ITPRID1: variants seen among roughly 807,000 people sequenced by gnomAD.
ITPRID1 encodes the protein protein ITPRID1.
In ITPRID1, 96 loss-of-function variants were observed where a neutral mutation model predicts 95.4. The ratio of observed to expected loss-of-function variants is 1.01; its 90% CI spans 0.85 to 1.19. ITPRID1 has a LOEUF of 1.19. Ranked by LOEUF, ITPRID1 falls within the 50% of genes most tolerant of loss-of-function variation. The probability of loss-of-function intolerance (pLI) is 0.00; values close to 1 mark genes in which losing one functional copy is unlikely to be tolerated. For synonymous variants in ITPRID1, 510 were observed against 453.6 expected (o/e 1.12, Z -1.58); for missense variants, 1,339 against 1,252.9 (o/e 1.07, Z -1.04).
intron 1 of ITPRID1, among the ~76,000 whole-genome samples, chr7:31,532,210 T>C (rs902344146): frequency 9.2e-5 from 14 of 152,216 alleles, no homozygotes; most frequent in African/African-American, 3.1e-4. Context: ...TTAAAGTTTA[T>C]AGTAACAGTT....
chr7:31,651,963 G>T lies in ITPRID1; in HGVS notation c.2736G>T (p.Thr912=), dbSNP rs532365607. The change falls in exon 14 of 15, where the codon ACG becomes ACT. Residue 912 remains threonine (T), a synonymous_variant. Transcript: ENST00000615280. The part of the protein sequence containing the change: ...EEREEAEQLQ[T]LREALRQQVA... The stretch of plus-strand genomic sequence containing the variant: ...GGGAGGAGGCCGAGCAACTGCAAAC[G>T]TTACGTGAGGCCCTGAGGCAGCAGG... 2.5e-6 allele frequency: 4 copies of T among 1,601,592 alleles called. No homozygotes were observed. The highest frequency in any genetic ancestry group is 2.7e-5 in the African/African-American group (2 of 74,714).
chr7:31,568,103 G>A (rs1340843480), intron 5 of ITPRID1, among the ~76,000 whole-genome samples: 4 of 147,972 alleles, frequency 2.7e-5, no homozygotes, highest in East Asian at 2.0e-4. Flanking sequence ...TCCAGGCTGG[G>A]TGACAGAGCG....
chr7:31,543,109 C>T (rs1783983958), intron 1 of ITPRID1, among the ~76,000 whole-genome samples: 1 of 151,920 alleles, frequency 6.6e-6, no homozygotes, highest in Admixed American at 6.6e-5. Flanking sequence ...TTGGGTGAGG[C>T]CTTTTAAGAA....
intron 10 of ITPRID1, among the ~76,000 whole-genome samples, chr7:31,594,490 G>GT (rs1348386251): frequency 6.6e-6 from 1 of 152,182 alleles, no homozygotes; most frequent in Non-Finnish European, 1.5e-5. Flanking sequence ...TTGTTACCAT[G>GT]TGCATATGTT....
rs1335454160 is a variant in ITPRID1, at chr7:31,652,027, C to A, written c.2800C>A (p.Gln934Lys). The A allele has an allele frequency of 6.2e-7, 1 of 1,601,408 alleles. No homozygotes were observed. The highest frequency in any genetic ancestry group is 8.5e-7 in the Non-Finnish European group (1 of 1,174,052). The change falls in exon 14 of 15, where the codon CAA (glutamine) becomes AAA (lysine). Residue 934 changes from glutamine to lysine, a missense_variant. By Grantham distance (53) the Gln-to-Lys change is moderately conservative. Transcript: ENST00000615280. ...ATTTCAGTTAGGAGACCGGGCTCAG[C>A]AAATCAGAGAAGGGATTTTACTGGT... ...LEFQLGDRAQ[Q>K]IREGILLQLE...
chr7:31,586,959 T>C (rs959842136), intron 10 of ITPRID1, among the ~76,000 whole-genome samples: 1 of 152,050 alleles, frequency 6.6e-6, no homozygotes, highest in Non-Finnish European at 1.5e-5. Context: ...TCTTCTAGGG[T>C]TTTTATGGTT....
Position 31,594,162 on chromosome 7 carries a change from A to ACAGTT in ITPRID1, c.1228+10971_1228+10972insCAGTT, listed in dbSNP as rs1190471608. Among the ~76,000 whole-genome samples the ACAGTT allele has an allele frequency of 3.9e-5, 6 of 152,320 alleles. No individual in the cohort carries two copies. The East Asian group carries it at 1.2e-3, about 29-fold the overall frequency. On this transcript the variant is annotated intron_variant, in intron 10 of 14. Transcript: ENST00000615280. ...AGTTGCCTACAGTATTCAGTACAAT[A>ACAGTT]GCATACTGTACAGGTTTGCAGCCTG...
At chr7:31,630,400 A>C (rs931369944) in intron 10 of ITPRID1, among the ~76,000 whole-genome samples, 2 of 152,158 alleles carry the variant, frequency 1.3e-5, no homozygotes, top group African/African-American at 4.8e-5. Context: ...AATCAGGCCT[A>C]CTTAAATGTG....
At chr7:31,623,220 T>C (rs1465057108) in intron 10 of ITPRID1, among the ~76,000 whole-genome samples, 3 of 151,970 alleles carry the variant, frequency 2.0e-5, no homozygotes, top group African/African-American at 4.8e-5. Context: ...TTCCAATCAA[T>C]AGAAAAAGAG....
At chr7:31,644,988 T>A (rs1410317300) in intron 12 of ITPRID1, among the ~76,000 whole-genome samples, 2 of 152,232 alleles carry the variant, frequency 1.3e-5, no homozygotes, top group Non-Finnish European at 2.9e-5. Context: ...CATTTAACCT[T>A]CATTTTAATC....
chr7:31,554,415 G>A, intron 3 of ITPRID1, 60 bp from the exon 4 acceptor site: 1 of 1,583,220 alleles, frequency 6.3e-7, no homozygotes, highest in Non-Finnish European at 8.6e-7. Context: ...GAGTAAACAG[G>A]GTAGCATCCT....
chr7:31,585,844 T>A (rs868289567), intron 10 of ITPRID1, among the ~76,000 whole-genome samples: 34 of 152,100 alleles, frequency 2.2e-4, no homozygotes, highest in African/African-American at 6.5e-4. Flanking sequence ...CTTTTTTTTT[T>A]ATTATTATTA....
chr7:31,531,981 C>T (rs896318650), intron 1 of ITPRID1, among the ~76,000 whole-genome samples: 1 of 152,126 alleles, frequency 6.6e-6, no homozygotes, highest in African/African-American at 2.4e-5. Context: ...TTTTAAACAA[C>T]TTACGTCAGG....
chr7:31,571,271 C>G (rs768991055), intron 6 of ITPRID1, among the ~76,000 whole-genome samples: 1 of 152,044 alleles, frequency 6.6e-6, no homozygotes, highest in Admixed American at 6.5e-5. Flanking sequence ...CATGATCCAC[C>G]CACCTCGGCC....
At chr7:31,605,103 A>G (rs1786557955) in intron 10 of ITPRID1, among the ~76,000 whole-genome samples, 1 of 151,486 alleles carries the variant, frequency 6.6e-6, no homozygotes, top group East Asian at 2.0e-4. Flanking sequence ...GTGCCACTGC[A>G]CTCCAGCCTG....
At chr7:31,578,919 G>T (rs554584766) in intron 9 of ITPRID1, among the ~76,000 whole-genome samples, 6 of 152,284 alleles carry the variant, frequency 3.9e-5, no homozygotes, top group African/African-American at 1.4e-4. Context: ...AGCTCCTTTA[G>T]GGCCGGGGGT....
At chr7:31,521,674 C>T (rs912830619) in intron 1 of ITPRID1, among the ~76,000 whole-genome samples, 2 of 126,740 alleles carry the variant, frequency 1.6e-5, no homozygotes, top group East Asian at 2.7e-4. Context: ...TTCCTTCCTT[C>T]CTTCCTTCCT....
intron 8 of ITPRID1, among the ~76,000 whole-genome samples, chr7:31,576,688 T>C (rs1785195096): frequency 6.6e-6 from 1 of 152,118 alleles, no homozygotes; most frequent in Non-Finnish European, 1.5e-5. Flanking sequence ...CTACTTCTTG[T>C]AGGTAAAAGA....
chr7:31,552,575 T>A (rs1784316560), intron 2 of ITPRID1, among the ~76,000 whole-genome samples: 1 of 152,206 alleles, frequency 6.6e-6, no homozygotes, highest in African/African-American at 2.4e-5. Flanking sequence ...GAAATGAGAC[T>A]GAGCCAAGCC....
Sources: gnomAD v4.1 joint callset for allele counts (sites outside exome capture counted in the v4.1 genomes callset) on GRCh38, gnomAD v4.1.1 for gene constraint, MANE v1.5 for transcripts, NCBI Gene and HGNC (gene_info 2026-07-23, HGNC 2026-07-21) for gene names.